The following MCTP1 variants were observed in gnomAD, a reference collection of about 807,000 sequenced individuals.
MCTP1 encodes multiple C2 and transmembrane domain containing 1.
MCTP1 carries 69 observed loss-of-function variants against 120.6 expected under a neutral mutation model. That is an observed-to-expected ratio of 0.57 (90% CI 0.47 to 0.70). The LOEUF (loss-of-function observed/expected upper bound fraction) is 0.70. Among genes scored for constraint, MCTP1 ranks in the 30% least tolerant of loss-of-function variants. The pLI, the probability that MCTP1 is intolerant of heterozygous loss-of-function variation, is 0.00. For synonymous variants in MCTP1, 529 were observed against 493.1 expected (o/e 1.07, Z -0.96); for missense variants, 1,203 against 1,248.8 (o/e 0.96, Z 0.55).
intron 17 of MCTP1, among the ~76,000 whole-genome samples, chr5:94,818,849 C>G (rs993792490): frequency 9.2e-5 from 14 of 152,116 alleles, no homozygotes; most frequent in Non-Finnish European, 1.9e-4. Flanking sequence ...AAAGAGAACA[C>G]CCAAGATCTT....
chr5:95,205,976 A>C (rs1197454107), intron 1 of MCTP1, among the ~76,000 whole-genome samples: 2 of 151,060 alleles, frequency 1.3e-5, no homozygotes, highest in African/African-American at 4.9e-5. Flanking sequence ...AATAGTCTGG[A>C]AGTTCCTTGA....
intron 1 of MCTP1, among the ~76,000 whole-genome samples, chr5:95,246,905 T>C (rs186821623): frequency 7.8e-4 from 119 of 152,326 alleles, no homozygotes; most frequent in African/African-American, 2.8e-3. Context: ...GACAGCCTCA[T>C]AAAATGAGTT....
intron 12 of MCTP1, among the ~76,000 whole-genome samples, chr5:94,884,382 C>T (rs994362431): frequency 6.6e-6 from 1 of 152,150 alleles, no homozygotes; most frequent in Non-Finnish European, 1.5e-5. Context: ...TAGCCCATAA[C>T]CTTGTTCCTT....
intron 18 of MCTP1, among the ~76,000 whole-genome samples, chr5:94,784,053 C>T (rs768222854): frequency 6.6e-6 from 1 of 152,104 alleles, no homozygotes; most frequent in Non-Finnish European, 1.5e-5. Flanking sequence ...GAAGAAATCA[C>T]TGCTGTCCAG....
At chr5:95,105,942 CTT>C (rs1241122413) in intron 1 of MCTP1, among the ~76,000 whole-genome samples, 1 of 152,158 alleles carries the variant, frequency 6.6e-6, no homozygotes, top group African/African-American at 2.4e-5. Flanking sequence ...CAAGTGGAGA[CTT>C]TACCTATTAC....
intron 19 of MCTP1, among the ~76,000 whole-genome samples, chr5:94,734,047 G>A (rs1410667038): frequency 6.6e-6 from 1 of 151,936 alleles, no homozygotes; most frequent in East Asian, 1.9e-4. Context: ...CCCAATTCTA[G>A]TTCTGTGATC....
intron 17 of MCTP1, among the ~76,000 whole-genome samples, chr5:94,820,205 A>G (rs1244602030): frequency 6.6e-6 from 1 of 152,240 alleles, no homozygotes. Flanking sequence ...ATATCTGACT[A>G]TTTAATCAGT....
At chr5:95,002,451 A>G (rs760741594) in intron 2 of MCTP1, among the ~76,000 whole-genome samples, 2 of 152,168 alleles carry the variant, frequency 1.3e-5, no homozygotes, top group Non-Finnish European at 2.9e-5. Context: ...GTATCCTGAA[A>G]AGCCACAGGG....
intron 1 of MCTP1, among the ~76,000 whole-genome samples, chr5:95,078,205 C>T (rs1754107405): frequency 6.6e-6 from 1 of 152,186 alleles, no homozygotes; most frequent in South Asian, 2.1e-4. Context: ...TTCTACAATT[C>T]GTTCAATGTG....
At chr5:94,725,809 G>A (rs1227826413) in intron 19 of MCTP1, among the ~76,000 whole-genome samples, 1 of 152,076 alleles carries the variant, frequency 6.6e-6, no homozygotes, top group African/African-American at 2.4e-5. Flanking sequence ...CCTTTGCAAT[G>A]GTTATAAAAT....
At chr5:94,867,017 G>T (rs570745055) in intron 17 of MCTP1, 29 of 223,926 alleles carry the variant, frequency 1.3e-4, no homozygotes, top group African/African-American at 6.4e-4. Context: ...ATTTTTTTTT[G>T]CATCTGTTAT....
At chr5:94,910,797 T>C (rs1808351444) in intron 9 of MCTP1, among the ~76,000 whole-genome samples, 1 of 152,198 alleles carries the variant, frequency 6.6e-6, no homozygotes, top group Non-Finnish European at 1.5e-5. Context: ...TACTTTAATA[T>C]ATGTTATATA....
At chr5:94,802,291 A>G (rs1471448220) in intron 17 of MCTP1, among the ~76,000 whole-genome samples, 2 of 152,232 alleles carry the variant, frequency 1.3e-5, no homozygotes, top group Non-Finnish European at 2.9e-5. Context: ...TCAAAAGGTT[A>G]AAGAACATGA....
intron 1 of MCTP1, among the ~76,000 whole-genome samples, chr5:95,236,080 A>G (rs1755514223): frequency 6.6e-6 from 1 of 152,218 alleles, no homozygotes; most frequent in South Asian, 2.1e-4. Flanking sequence ...CTCAACTGGA[A>G]GAACACGGTC....
chr5:94,758,352 G>A (rs529771886), intron 19 of MCTP1, among the ~76,000 whole-genome samples: 1 of 152,100 alleles, frequency 6.6e-6, no homozygotes. Context: ...CTAGCTACTT[G>A]GAAGGATCAC....
rs373585542 is a variant in MCTP1, at chr5:94,974,342, T to A, written c.839-20981A>T. Among the ~76,000 whole-genome samples, 6 of 152,110 alleles carry A rather than the reference T, an allele frequency of 3.9e-5. No individual in the cohort carries two copies. In the East Asian group the frequency reaches 1.2e-3, roughly 29 times the overall value. ...TGGGAGAATTTCTTCAGGTCAGGAGTTTGAGACCAGCCTGGGCAACAACAG... is the reference window on the plus strand; with the variant it reads ...TGGGAGAATTTCTTCAGGTCAGGAGATTGAGACCAGCCTGGGCAACAACAG... On this transcript the variant is annotated intron_variant, in intron 2 of 22. Coordinates refer to ENST00000515393, the MANE Select transcript of MCTP1 (RefSeq NM_024717.7).
chr5:95,077,589 C>G (rs1295162836), intron 1 of MCTP1, among the ~76,000 whole-genome samples: 2 of 152,042 alleles, frequency 1.3e-5, no homozygotes, highest in African/African-American at 4.8e-5. Context: ...TCTCCTGCCT[C>G]AGCCTGCCGA....
intron 1 of MCTP1, among the ~76,000 whole-genome samples, chr5:95,242,735 G>A (rs2152682216): frequency 6.6e-6 from 1 of 152,232 alleles, no homozygotes; most frequent in South Asian, 2.1e-4. Flanking sequence ...TGGTAGCCTA[G>A]GGAAAGGGAT....
At chr5:95,269,516 C>G (rs1759187567) in intron 1 of MCTP1, among the ~76,000 whole-genome samples, 2 of 152,246 alleles carry the variant, frequency 1.3e-5, no homozygotes, top group Non-Finnish European at 2.9e-5. Context: ...CACTCTCATT[C>G]ACTGGAAACT....
Sources: gnomAD v4.1 joint callset for allele counts (sites outside exome capture counted in the v4.1 genomes callset) on GRCh38, gnomAD v4.1.1 for gene constraint, MANE v1.5 for transcripts, NCBI Gene and HGNC (gene_info 2026-07-23, HGNC 2026-07-21) for gene names.